PDZD2: variants seen among roughly 807,000 people sequenced by gnomAD.
PDZD2 encodes PDZ domain-containing protein 2.
PDZD2 carries 90 observed loss-of-function variants against 220.7 expected under a neutral mutation model. The observed-to-expected ratio is 0.41, with a 90% CI of 0.34 to 0.49. PDZD2 has a LOEUF of 0.49. PDZD2 is among the 20% of genes least tolerant of loss of function. The pLI, the probability that PDZD2 is intolerant of heterozygous loss-of-function variation, is 0.28. For missense variants in PDZD2, 3,174 were observed against 3,608.5 expected, an observed-to-expected ratio of 0.88 and a Z score of 3.08; for synonymous variants, 1,375 against 1,450.5, an observed-to-expected ratio of 0.95 and a Z score of 1.18.
chr5:31,959,342 C>T (rs1436097239), intron 2 of PDZD2, among the ~76,000 whole-genome samples: 1 of 150,906 alleles, frequency 6.6e-6, no homozygotes, highest in Admixed American at 6.6e-5. Context: ...TAGGGTTGTA[C>T]AAGACCACTT....
intron 5 of PDZD2, among the ~76,000 whole-genome samples, chr5:32,008,631 G>C (rs946013865): frequency 1.1e-4 from 16 of 152,150 alleles, no homozygotes; most frequent in African/African-American, 3.6e-4. Context: ...ATGAGCACAG[G>C]AGCAGGAAGG....
chr5:31,978,457 C>T (rs1041656037), intron 2 of PDZD2, among the ~76,000 whole-genome samples: 14 of 152,238 alleles, frequency 9.2e-5, no homozygotes, highest in African/African-American at 3.1e-4. Flanking sequence ...TGGTGGCTCA[C>T]GCCTGTAATC....
chr5:31,744,407 T>C (rs1750458658), intron 1 of PDZD2: 1 of 152,164 alleles, frequency 6.6e-6, no homozygotes, highest in South Asian at 2.1e-4. Context: ...AAAAGTCCGT[T>C]CTTTCACAGC....
chr5:31,967,019 T>G (rs994895123), intron 2 of PDZD2, among the ~76,000 whole-genome samples: 3 of 152,232 alleles, frequency 2.0e-5, no homozygotes, highest in Admixed American at 2.0e-4. Context: ...GAATATCTTT[T>G]CTCTGCTGGT....
chr5:31,804,655 A>G (rs150584564), intron 2 of PDZD2, among the ~76,000 whole-genome samples: 31 of 131,086 alleles, frequency 2.4e-4, no homozygotes, highest in African/African-American at 7.6e-4. Context: ...TACGACCTCA[A>G]CTTCTGCACC....
intron 2 of PDZD2, among the ~76,000 whole-genome samples, chr5:31,975,830 G>T (rs1376540171): frequency 9.3e-6 from 1 of 107,068 alleles, no homozygotes; most frequent in Non-Finnish European, 1.8e-5. Flanking sequence ...TTGAGACAAG[G>T]TCTTACTCTG....
rs533755906 is a variant in PDZD2 at position 32,082,029 on chromosome 5, T to G, written c.3682+4423T>G. Among the ~76,000 whole-genome samples the G allele has an allele frequency of 1.4e-4, 21 of 150,102 alleles. No homozygotes were observed. In the South Asian group the frequency reaches 3.0e-3, roughly 21 times the overall value. ...CACCGCGCCTGGCATATCTTTGTTT[T>G]TTTTTTTTTTGAGACAGAGTCTCCC... is the stretch of plus-strand genomic sequence containing the variant. On this transcript the variant is annotated intron_variant, in intron 19 of 24. Coordinates refer to ENST00000438447, the MANE Select transcript of PDZD2 (RefSeq NM_178140.4).
chr5:31,750,788 G>A (rs556762910), intron 1 of PDZD2, among the ~76,000 whole-genome samples: 9 of 152,292 alleles, frequency 5.9e-5, no homozygotes, highest in East Asian at 1.9e-4. Context: ...CTTGGCAGGC[G>A]CTCAGTAAAT....
chr5:32,107,952 T>G lies in PDZD2; in HGVS notation c.8354-17T>G. On this transcript the variant is annotated splice_polypyrimidine_tract_variant and intron_variant, in intron 24 of 24. Coordinates refer to ENST00000438447, the MANE Select transcript of PDZD2 (RefSeq NM_178140.4). ...GAAACTGCCAAGCTATTAATTATTCTGTGTTTATTCTCGTAGGTGGTGCGG... is the reference window on the plus strand; with the variant it reads ...GAAACTGCCAAGCTATTAATTATTCGGTGTTTATTCTCGTAGGTGGTGCGG... The G allele has an allele frequency of 6.3e-7, 1 of 1,588,788 alleles. No homozygotes were observed. Among genetic ancestry groups the G allele is most frequent in the South Asian group, 1.1e-5 (1 of 87,208 alleles).
chr5:31,925,423 A>G (rs1744659230), intron 2 of PDZD2, among the ~76,000 whole-genome samples: 1 of 152,176 alleles, frequency 6.6e-6, no homozygotes, highest in Non-Finnish European at 1.5e-5. Flanking sequence ...AGAAGAATGA[A>G]ACTGGACCCC....
chr5:31,920,503 AT>A (rs779619818), intron 2 of PDZD2, among the ~76,000 whole-genome samples: 216 of 49,278 alleles, frequency 4.4e-3, no homozygotes, highest in Admixed American at 7.7e-3. Context: ...GGTGTTATAT[AT>A]TTAAAAAAAA....
intron 1 of PDZD2, among the ~76,000 whole-genome samples, chr5:31,740,027 C>G (rs10038040): frequency 0.018 from 2,715 of 152,142 alleles, 79 homozygotes; most frequent in African/African-American, 0.062. Flanking sequence ...CCTGGAACAT[C>G]CCAAAAATCT....
intron 2 of PDZD2, among the ~76,000 whole-genome samples, chr5:31,808,621 T>G (rs1277929504): frequency 6.6e-6 from 1 of 152,038 alleles, no homozygotes; most frequent in African/African-American, 2.4e-5. Context: ...TAGAGAAGAG[T>G]GACGCCTAGA....
intron 1 of PDZD2, among the ~76,000 whole-genome samples, chr5:31,764,390 AG>A (rs1475069049): frequency 6.6e-6 from 1 of 152,134 alleles, no homozygotes; most frequent in African/African-American, 2.4e-5. Flanking sequence ...AAACCCTTAG[AG>A]GATTTGCCTC....
chr5:31,779,227 A>G (rs896837257), intron 1 of PDZD2, among the ~76,000 whole-genome samples: 2 of 152,086 alleles, frequency 1.3e-5, no homozygotes, highest in African/African-American at 4.8e-5. Context: ...TGCCTGTTGC[A>G]TCAACATACC....
chr5:31,860,826 CTGTG>C (rs1239320255), intron 2 of PDZD2, among the ~76,000 whole-genome samples: 1 of 152,160 alleles, frequency 6.6e-6, no homozygotes, highest in Admixed American at 6.6e-5. Flanking sequence ...AGGGTTCTGT[CTGTG>C]TGGATAACTG....
chr5:31,793,616 G>C (rs1753842350), intron 1 of PDZD2, among the ~76,000 whole-genome samples: 1 of 152,114 alleles, frequency 6.6e-6, no homozygotes, highest in Non-Finnish European at 1.5e-5. Flanking sequence ...AGACCAGCCT[G>C]GCCAACATGA....
intron 1 of PDZD2, among the ~76,000 whole-genome samples, chr5:31,722,140 C>G (rs1748845791): frequency 6.6e-6 from 1 of 152,246 alleles, no homozygotes; most frequent in South Asian, 2.1e-4. Context: ...ACCGTTCTCA[C>G]TGTAGCCAAA....
chr5:31,960,761 A>C (rs1019179920), intron 2 of PDZD2, among the ~76,000 whole-genome samples: 6 of 152,190 alleles, frequency 3.9e-5, no homozygotes, highest in African/African-American at 7.2e-5. Context: ...AGCATTCTTC[A>C]TATAATTAGT....
Sources: gnomAD v4.1 joint callset for allele counts (sites outside exome capture counted in the v4.1 genomes callset) on GRCh38, gnomAD v4.1.1 for gene constraint, MANE v1.5 for transcripts, NCBI Gene and HGNC (gene_info 2026-07-23, HGNC 2026-07-21) for gene names.